The following STARD13 variants were observed in gnomAD, a reference collection of about 807,000 sequenced individuals.
STARD13 encodes the protein stAR-related lipid transfer protein 13.
STARD13 carries 62 observed loss-of-function variants against 106.4 expected under a neutral mutation model. That is an observed-to-expected ratio of 0.58 (90% CI 0.48 to 0.72). The LOEUF (loss-of-function observed/expected upper bound fraction) is 0.72. Ranked by LOEUF, STARD13 falls within the 30% of genes least tolerant of loss-of-function variation. The pLI is 0.00. For synonymous variants in STARD13, 565 were observed against 553.0 expected, an observed-to-expected ratio of 1.02 and a Z score of -0.31; for missense variants, 1,387 against 1,424.0, an observed-to-expected ratio of 0.97 and a Z score of 0.42.
the STARD13 span, among the ~76,000 whole-genome samples, chr13:33,383,983 T>C: frequency 5.8e-4 from 88 of 152,182 alleles, no homozygotes; most frequent in Non-Finnish European, 6.6e-4. Context: ...GTTCGATTAT[T>C]AATTTAGCCT....
chr13:33,190,376 C>T (rs1392580038), intron 1 of STARD13, among the ~76,000 whole-genome samples: 2 of 152,004 alleles, frequency 1.3e-5, no homozygotes, highest in Non-Finnish European at 2.9e-5. Flanking sequence ...AGCTATGATC[C>T]TATCACTGTA....
At chr13:33,169,291 T>C (rs1307298679) in intron 1 of STARD13, among the ~76,000 whole-genome samples, 1 of 152,224 alleles carries the variant, frequency 6.6e-6, no homozygotes, top group Non-Finnish European at 1.5e-5. Flanking sequence ...CAAAAGGCAA[T>C]TATTGCATTG....
At chr13:33,166,771 A>G (rs1488977878) in intron 2 of STARD13, among the ~76,000 whole-genome samples, 3 of 152,066 alleles carry the variant, frequency 2.0e-5, no homozygotes, top group Admixed American at 1.3e-4. Context: ...GAGGTGGGAA[A>G]GTCACTTGAG....
At chr13:33,558,196 C>T in the STARD13 span, among the ~76,000 whole-genome samples, 7 of 152,016 alleles carry the variant, frequency 4.6e-5, no homozygotes, top group Non-Finnish European at 1.0e-4. Context: ...TCTTTCTTTC[C>T]ATCACTTGCT....
chr13:33,571,604 T>A, the STARD13 span, among the ~76,000 whole-genome samples: 2 of 152,182 alleles, frequency 1.3e-5, no homozygotes, highest in Admixed American at 6.6e-5. Flanking sequence ...CCAGCAGTTA[T>A]TCTATATCCT....
At chr13:33,676,298 T>C in the STARD13 span, among the ~76,000 whole-genome samples, 12 of 152,306 alleles carry the variant, frequency 7.9e-5, no homozygotes, top group South Asian at 2.3e-3. Flanking sequence ...ACTGGTGTTT[T>C]CTCTCTATGG....
the STARD13 span, among the ~76,000 whole-genome samples, chr13:33,408,331 C>T: frequency 6.6e-6 from 1 of 152,164 alleles, no homozygotes; most frequent in African/African-American, 2.4e-5. Context: ...CCTCCAGCCC[C>T]TGGCAACCTC....
At chr13:33,438,301 G>A in the STARD13 span, among the ~76,000 whole-genome samples, 1 of 152,144 alleles carries the variant, frequency 6.6e-6, no homozygotes, top group Non-Finnish European at 1.5e-5. Flanking sequence ...AGCGAAACAC[G>A]TTCTTTGCTG....
At chr13:33,415,880 C>T in the STARD13 span, among the ~76,000 whole-genome samples, 1 of 152,132 alleles carries the variant, frequency 6.6e-6, no homozygotes, top group Non-Finnish European at 1.5e-5. Context: ...TAGAAAAGTG[C>T]ATTAGCTCAC....
rs974047474 is a variant in STARD13, at chr13:33,109,589, G to A, written c.3047+284C>T. ...GGACAAACAGCAGCTTTTCTGGGCC[G>A]TCTGCTCTGAGGAAATGAATAATAT... On this transcript the variant is annotated intron_variant, in intron 12 of 13. Transcript: ENST00000336934. 3.9e-5 allele frequency among the ~76,000 whole-genome samples: 6 copies of A among 152,216 alleles called. No individual in the cohort carries two copies. In the East Asian group the frequency reaches 5.8e-4, roughly 15 times the overall value.
chr13:33,313,887 A>G (rs1893232892), intron 1 of STARD13, among the ~76,000 whole-genome samples: 2 of 152,168 alleles, frequency 1.3e-5, no homozygotes, highest in Admixed American at 6.5e-5. Flanking sequence ...CCAAGCATTT[A>G]CAGATACCAT....
intron 2 of STARD13, among the ~76,000 whole-genome samples, chr13:33,167,015 CA>C (rs1010175989): frequency 1.4e-5 from 2 of 139,242 alleles, no homozygotes; most frequent in Non-Finnish European, 3.1e-5. Context: ...AAAAAAAAAC[CA>C]AAAAAAAATC....
At chr13:33,387,969 G>A in the STARD13 span, among the ~76,000 whole-genome samples, 256 of 152,262 alleles carry the variant, frequency 1.7e-3, 2 homozygotes, top group African/African-American at 5.7e-3. Context: ...CAGATGCATC[G>A]GCCATATGGT....
At chr13:33,238,140 T>C (rs1213573533) in intron 1 of STARD13, among the ~76,000 whole-genome samples, 1 of 152,210 alleles carries the variant, frequency 6.6e-6, no homozygotes, top group Non-Finnish European at 1.5e-5. Flanking sequence ...TACCTTTCTT[T>C]TACTTACTCA....
At chr13:33,601,051 C>A in the STARD13 span, among the ~76,000 whole-genome samples, 1 of 152,066 alleles carries the variant, frequency 6.6e-6, no homozygotes, top group African/African-American at 2.4e-5. Flanking sequence ...TTCTACTATT[C>A]TTGTCTTTTG....
At chr13:33,228,781 T>C (rs1888753455) in intron 1 of STARD13, among the ~76,000 whole-genome samples, 1 of 152,152 alleles carries the variant, frequency 6.6e-6, no homozygotes, top group Non-Finnish European at 1.5e-5. Context: ...CCCCATCACG[T>C]AGAGTCTGAT....
chr13:33,632,923 C>G, the STARD13 span, among the ~76,000 whole-genome samples: 1 of 151,944 alleles, frequency 6.6e-6, no homozygotes, highest in Non-Finnish European at 1.5e-5. Context: ...AATGATAACC[C>G]AAGACCTGAA....
chr13:33,673,943 C>A, the STARD13 span, among the ~76,000 whole-genome samples: 1 of 151,854 alleles, frequency 6.6e-6, no homozygotes, highest in Non-Finnish European at 1.5e-5. Flanking sequence ...TCATGGCAAC[C>A]TCCACCTCCT....
chr13:33,281,912 T>C (rs1891805694), intron 1 of STARD13, among the ~76,000 whole-genome samples: 1 of 152,164 alleles, frequency 6.6e-6, no homozygotes, highest in African/African-American at 2.4e-5. Context: ...CGGTGATGGT[T>C]GGATATTATG....
Sources: gnomAD v4.1 joint callset for allele counts (sites outside exome capture counted in the v4.1 genomes callset) on GRCh38, gnomAD v4.1.1 for gene constraint, MANE v1.5 for transcripts, NCBI Gene and HGNC (gene_info 2026-07-23, HGNC 2026-07-21) for gene names.